FRAS1: variants seen among roughly 807,000 people sequenced by gnomAD.
FRAS1 encodes the protein Fraser extracellular matrix complex subunit 1.
In FRAS1, 290 loss-of-function variants were observed where a neutral mutation model predicts 435.2. The ratio of observed to expected loss-of-function variants is 0.67; its 90% CI spans 0.61 to 0.73. FRAS1 has a LOEUF of 0.73. Ranked by LOEUF, FRAS1 falls within the 30% of genes least tolerant of loss-of-function variation. The pLI is 0.00. For missense variants in FRAS1, 4,860 were observed against 5,001.5 expected (o/e 0.97, Z 0.85); for synonymous variants, 1,800 against 1,851.0 (o/e 0.97, Z 0.71).
chr4:78,077,695 TTGTC>T (rs1222953211), intron 2 of FRAS1, among the ~76,000 whole-genome samples: 3 of 152,168 alleles, frequency 2.0e-5, no homozygotes. Context: ...CGTGTGATAT[TTGTC>T]TGTCTGTGTC....
At chr4:78,122,289 C>T (rs928402765) in intron 2 of FRAS1, among the ~76,000 whole-genome samples, 13 of 152,166 alleles carry the variant, frequency 8.5e-5, no homozygotes, top group Admixed American at 3.3e-4. Flanking sequence ...ATCCATGTCC[C>T]TGCAAAGGAC....
chr4:78,175,837 A>G (rs922526658), intron 2 of FRAS1, among the ~76,000 whole-genome samples: 6 of 152,126 alleles, frequency 3.9e-5, no homozygotes, highest in Admixed American at 2.6e-4. Flanking sequence ...ATCCTTCTGG[A>G]AGCCTGCTGA....
At chr4:78,419,450 G>A (rs905113995) in intron 33 of FRAS1, among the ~76,000 whole-genome samples, 1 of 152,154 alleles carries the variant, frequency 6.6e-6, no homozygotes, top group African/African-American at 2.4e-5. Flanking sequence ...CATATGTTCA[G>A]GATAAGGAGT....
chr4:78,181,479 T>C (rs1375666106), intron 2 of FRAS1: 1 of 1,611,674 alleles, frequency 6.2e-7, no homozygotes, highest in Non-Finnish European at 8.5e-7. Context: ...AATTCACGTT[T>C]GCCACGAGAA....
intron 18 of FRAS1, chr4:78,319,654 C>T (rs1238576653): frequency 3.7e-6 from 1 of 267,082 alleles, no homozygotes; most frequent in East Asian, 8.4e-5. Context: ...ACACCCACTA[C>T]CTAAACCCAA....
intron 27 of FRAS1, among the ~76,000 whole-genome samples, chr4:78,380,987 A>G (rs984557659): frequency 6.6e-6 from 1 of 152,196 alleles, no homozygotes. Context: ...TACATGAACT[A>G]TGTATCTCAT....
At chr4:78,443,022 C>T (rs57867216) in intron 41 of FRAS1, among the ~76,000 whole-genome samples, 2,880 of 152,240 alleles carry the variant, frequency 0.019, 92 homozygotes, top group African/African-American at 0.064. Context: ...GAGGCTCCTC[C>T]GCCTCTGTTT....
intron 2 of FRAS1, among the ~76,000 whole-genome samples, chr4:78,105,589 G>T (rs538101379): frequency 6.6e-6 from 1 of 152,148 alleles, no homozygotes; most frequent in Admixed American, 6.5e-5. Context: ...GACAAGAGAT[G>T]GGGGAGAGGA....
intron 20 of FRAS1, among the ~76,000 whole-genome samples, chr4:78,347,745 A>ATG (rs1283198941): frequency 8.0e-6 from 1 of 124,764 alleles, no homozygotes; most frequent in Admixed American, 8.7e-5. Context: ...TGCATTTGGG[A>ATG]TGTGTATGTG....
At chr4:78,145,515 A>G (rs898300332) in intron 2 of FRAS1, among the ~76,000 whole-genome samples, 2 of 152,066 alleles carry the variant, frequency 1.3e-5, no homozygotes, top group African/African-American at 4.8e-5. Flanking sequence ...TGAGAGAACA[A>G]CTCTGAGGTG....
At chr4:78,209,099 C>T (rs993223097) in intron 2 of FRAS1, among the ~76,000 whole-genome samples, 6 of 151,380 alleles carry the variant, frequency 4.0e-5, no homozygotes, top group Non-Finnish European at 8.8e-5. Flanking sequence ...GAGCTGTGGT[C>T]GTGCCATGAC....
rs1227013948 is a variant in FRAS1, at chr4:78,507,570, G to A, written c.9466G>A (p.Glu3156Lys). ...TTATVTILDQ[E>K]AAGSLILPAP... is the part of the protein sequence containing the mutation. ...TGCCACGGTGACAATTCTAGACCAGGAGGCAGCAGGGAGCCTCATATTGCC... is the reference window on the plus strand; with the variant it reads ...TGCCACGGTGACAATTCTAGACCAGAAGGCAGCAGGGAGCCTCATATTGCC... Residue 3156 changes from glutamate to lysine, a missense_variant, in exon 62 of 74, where the codon GAG becomes AAG. Physicochemically the swap from Glu to Lys is moderately conservative, Grantham distance 56. Coordinates refer to ENST00000512123, the MANE Select transcript of FRAS1 (RefSeq NM_025074.7). The A allele has an allele frequency of 6.2e-7, 1 of 1,606,492 alleles. No individual in the cohort carries two copies. The highest frequency in any genetic ancestry group is 1.7e-5 in the Admixed American group (1 of 58,450).
At chr4:78,211,685 T>A (rs550524678) in intron 2 of FRAS1, among the ~76,000 whole-genome samples, 1 of 152,172 alleles carries the variant, frequency 6.6e-6, no homozygotes, top group Admixed American at 6.5e-5. Context: ...TCCCCTCTTT[T>A]AAAAAAAATT....
intron 18 of FRAS1, among the ~76,000 whole-genome samples, chr4:78,323,617 C>T (rs542234102): frequency 2.6e-5 from 4 of 152,154 alleles, no homozygotes; most frequent in Non-Finnish European, 5.9e-5. Flanking sequence ...CTCTGCTGCA[C>T]ACCCCCAAGG....
chr4:78,285,480 G>T (rs1260384306), intron 13 of FRAS1, among the ~76,000 whole-genome samples: 1 of 149,850 alleles, frequency 6.7e-6, no homozygotes, highest in Non-Finnish European at 1.5e-5. Flanking sequence ...CACCCAGGCT[G>T]GAGTGTGGTG....
intron 20 of FRAS1, among the ~76,000 whole-genome samples, chr4:78,356,298 G>C (rs1348064429): frequency 6.6e-6 from 1 of 151,820 alleles, no homozygotes; most frequent in African/African-American, 2.4e-5. Flanking sequence ...CTTTTTCGTG[G>C]GCCTTCAAAT....
At chr4:78,331,326 G>C (rs2110256181) in intron 18 of FRAS1, among the ~76,000 whole-genome samples, 1 of 150,904 alleles carries the variant, frequency 6.6e-6, no homozygotes, top group East Asian at 1.9e-4. Context: ...ATTGACCTCA[G>C]TTCAGGAGCA....
intron 2 of FRAS1, among the ~76,000 whole-genome samples, chr4:78,233,537 G>T (rs770640102): frequency 6.6e-6 from 1 of 152,202 alleles, no homozygotes; most frequent in Non-Finnish European, 1.5e-5. Context: ...GACATTTGCT[G>T]AATGCCTGTG....
chr4:78,337,960 C>A, intron 20 of FRAS1, 143 bp downstream of exon 20: 1 of 733,072 alleles, frequency 1.4e-6, no homozygotes. Context: ...ACTCATGTTA[C>A]TGCTTCTCCT....
Sources: allele counts gnomAD v4.1 joint callset (sites outside exome capture counted in the v4.1 genomes callset), GRCh38; gene constraint gnomAD v4.1.1; transcripts MANE v1.5; gene names NCBI Gene and HGNC (gene_info 2026-07-23, HGNC 2026-07-21).